Variants in PTPRS observed in about 807,000 individuals in gnomAD.
PTPRS encodes receptor-type tyrosine-protein phosphatase S.
A neutral mutation model predicts 215.3 loss-of-function variants in PTPRS; 63 were observed. The ratio of observed to expected loss-of-function variants is 0.29; its 90% confidence interval spans 0.24 to 0.36. The LOEUF (loss-of-function observed/expected upper bound fraction) is 0.36, where lower values mean the gene tolerates loss of function less well. PTPRS is among the 10% of genes least tolerant of loss of function. The pLI, the probability that PTPRS is intolerant of heterozygous loss-of-function variation, is 1.00. For missense variants in PTPRS, 2,258 were observed against 2,825.8 expected (o/e 0.80, Z 4.56); for synonymous variants, 1,404 against 1,191.4 (o/e 1.18, Z -3.68).
At chr19:5,314,659 G>T (rs1290271650) in intron 1 of PTPRS, among the ~76,000 whole-genome samples, 1 of 151,924 alleles carries the variant, frequency 6.6e-6, no homozygotes, top group African/African-American at 2.4e-5. Context: ...CAAAGTGCCT[G>T]GGATTACAGG....
intron 1 of PTPRS, among the ~76,000 whole-genome samples, chr19:5,321,568 T>C (rs2050024879): frequency 6.6e-6 from 1 of 152,228 alleles, no homozygotes; most frequent in Non-Finnish European, 1.5e-5. Flanking sequence ...GTAAGGAGTT[T>C]GGCTCGTGCC....
rs576261442 is a variant in PTPRS, at chr19:5,257,939, G to A, written c.706+78C>T. 2.0e-4 allele frequency: 254 copies of A among 1,283,386 alleles called. No homozygotes were observed. The highest frequency in any genetic ancestry group is 5.1e-4 in the Middle Eastern group (2 of 3,894). 79.5% of individuals were successfully genotyped at this position (1,283,386 alleles called of 1,614,324 possible). On this transcript the variant is annotated intron_variant, in intron 8 of 37. Coordinates refer to ENST00000262963, the MANE Select transcript of PTPRS (RefSeq NM_002850.4). The surrounding 1 kb of genome is among the most constrained non-coding windows in gnomAD (Gnocchi z 4.4). ...GGGTGTGCAGGGGACGGGGGAGCCC[G>A]GAGGCGGTGAGCCCGAGGAGGGAGG...
chr19:5,228,913 G>A lies in PTPRS; in HGVS notation c.2376+403C>T, dbSNP rs555235784. Among the ~76,000 whole-genome samples the A allele has an allele frequency of 4.6e-5, 7 of 152,324 alleles. No homozygotes were observed. In the South Asian group the frequency reaches 1.5e-3, roughly 32 times the overall value. On this transcript the variant is annotated intron_variant, in intron 16 of 37. Transcript: ENST00000262963. ...GAGAGGCATTTCTAGGCCAGACAGGGCTGAATTGAGTGACAGTAAAGGGTG... is the reference window on the plus strand; with the variant it reads ...GAGAGGCATTTCTAGGCCAGACAGGACTGAATTGAGTGACAGTAAAGGGTG...
chr19:5,219,444 T>C lies in PTPRS; in HGVS notation c.3789A>G (p.Ser1263=). 1 of 1,603,606 alleles carries C rather than the reference T, an allele frequency of 6.2e-7. No homozygotes were observed. The highest frequency in any genetic ancestry group is 2.2e-5 in the East Asian group (1 of 44,758). The change falls in exon 23 of 38, where the codon TCA becomes TCG. Residue 1263 remains serine (S), a synonymous_variant. Transcript: ENST00000262963. The stretch of plus-strand genomic sequence containing the variant: ...CCGGGTTATCCAGCTGGAAGGGGTC[T>C]GAGAAGGGACTGGCTGCAAAGGTCT... ...SEPTFAASPF[S]DPFQLDNPDP...
chr19:5,210,640 T>C lies in PTPRS; in HGVS notation c.5361+39A>G, dbSNP rs1244857250. 6.2e-7 allele frequency: 1 copy of C among 1,613,986 alleles called. No homozygotes were observed. Among genetic ancestry groups the C allele is most frequent in the Non-Finnish European group, 8.5e-7 (1 of 1,180,032 alleles). On this transcript the variant is annotated intron_variant, in intron 34 of 37. Coordinates refer to ENST00000262963, the MANE Select transcript of PTPRS (RefSeq NM_002850.4). The surrounding 1 kb of genome is among the most constrained non-coding windows in gnomAD (Gnocchi z 4.5). Reference sequence around the variant, plus strand: ...GTGGTCAGCGCTGTCTGAGCCACAGTCTGGCCCTCGCCCTTCCCTGCTGTG... The same window carrying C: ...GTGGTCAGCGCTGTCTGAGCCACAGCCTGGCCCTCGCCCTTCCCTGCTGTG...
At chr19:5,335,101 G>A (rs567584538) in intron 1 of PTPRS, among the ~76,000 whole-genome samples, 1 of 152,116 alleles carries the variant, frequency 6.6e-6, no homozygotes, top group Non-Finnish European at 1.5e-5. Context: ...GTGACAGCGC[G>A]ACGATGGGCC....
rs1249799849 is a variant in PTPRS at position 5,264,988 on chromosome 19, T to G, written c.568+20A>C. ...GCTGCCCTCCAAGGCTCCCACGTCC[T>G]GTCAGCCACCCTCACTCACCTGATC... On this transcript the variant is annotated intron_variant, in intron 5 of 37. Transcript: ENST00000262963. 1 of 1,612,792 alleles carries G rather than the reference T, an allele frequency of 6.2e-7. No individual in the cohort carries two copies. Among genetic ancestry groups the G allele is most frequent in the African/African-American group, 1.3e-5 (1 of 75,012 alleles).
chr19:5,224,484 C>T (rs2042299705), intron 17 of PTPRS, among the ~76,000 whole-genome samples: 1 of 152,198 alleles, frequency 6.6e-6, no homozygotes, highest in Non-Finnish European at 1.5e-5. Context: ...TCCGCCCCTG[C>T]TCTTTGTTTC....
intron 9 of PTPRS, among the ~76,000 whole-genome samples, chr19:5,250,605 G>C (rs999202126): frequency 1.1e-5 from 1 of 90,766 alleles, no homozygotes; most frequent in African/African-American, 4.3e-5. Flanking sequence ...CCGAGTAGCC[G>C]GGGGGTCCCA....
chr19:5,259,955 A>T (rs141641236), intron 7 of PTPRS, among the ~76,000 whole-genome samples: 48 of 152,240 alleles, frequency 3.2e-4, no homozygotes, highest in African/African-American at 1.1e-3. Flanking sequence ...AGACTGCTCT[A>T]GGTCACACAG....
chr19:5,225,249 CA>C (rs2042377425), intron 17 of PTPRS, among the ~76,000 whole-genome samples: 1 of 152,038 alleles, frequency 6.6e-6, no homozygotes, highest in Admixed American at 6.5e-5. Flanking sequence ...CCTGAAATAA[CA>C]ACCTAGCCGG....
At chr19:5,306,304 C>T (rs1310258001) in intron 1 of PTPRS, among the ~76,000 whole-genome samples, 2 of 152,030 alleles carry the variant, frequency 1.3e-5, no homozygotes, top group Non-Finnish European at 2.9e-5. Context: ...GCCACCACGC[C>T]TGGCTAATTT....
chr19:5,239,932 GATCA>G (rs2043878752), intron 12 of PTPRS, among the ~76,000 whole-genome samples: 1 of 152,138 alleles, frequency 6.6e-6, no homozygotes, highest in Admixed American at 6.5e-5. Context: ...GAGAAGCACA[GATCA>G]AGAGAGATGG....
At chr19:5,337,883 G>C (rs1967966546) in intron 1 of PTPRS, among the ~76,000 whole-genome samples, 1 of 152,072 alleles carries the variant, frequency 6.6e-6, no homozygotes, top group Non-Finnish European at 1.5e-5. Context: ...CGCACTGAAC[G>C]CTCAACCGGG....
Position 5,295,020 on chromosome 19 carries a change from G to A in PTPRS, c.-94-8786C>T, listed in dbSNP as rs980699093. ...CAATGTAGGCGTAGGAGCAACCAGC[G>A]TGACCTCCCCAACTTGGCTGGGCAC... On this transcript the variant is annotated intron_variant, in intron 1 of 37. Transcript: ENST00000262963. This position sits in a 1 kb window ranked among gnomAD's most constrained non-coding sequence, Gnocchi z 4.6. Among the ~76,000 whole-genome samples, 9 of 152,210 alleles carry A rather than the reference G, an allele frequency of 5.9e-5. No individual in the cohort carries two copies. The highest frequency in any genetic ancestry group is 7.3e-5 in the Non-Finnish European group (5 of 68,034).
At chr19:5,300,767 C>CAAAAAA (rs59799136) in intron 1 of PTPRS, among the ~76,000 whole-genome samples, 62 of 97,416 alleles carry the variant, frequency 6.4e-4, no homozygotes, top group Middle Eastern at 5.7e-3. Context: ...GACTCCGTCT[C>CAAAAAA]AAAAAAAAAA....
intron 1 of PTPRS, among the ~76,000 whole-genome samples, chr19:5,329,950 C>T (rs1215765672): frequency 6.6e-6 from 1 of 151,462 alleles, no homozygotes; most frequent in Non-Finnish European, 1.5e-5. Flanking sequence ...CATGGTGGCA[C>T]ATGCCTATAA....
intron 25 of PTPRS, among the ~76,000 whole-genome samples, chr19:5,217,645 G>A (rs1039785735): frequency 6.6e-6 from 1 of 152,194 alleles, no homozygotes; most frequent in Non-Finnish European, 1.5e-5. Flanking sequence ...ATCTTCATTT[G>A]GTTGGAAAAT....
At chr19:5,277,884 G>C in intron 2 of PTPRS, 2 of 1,092,720 alleles carry the variant, frequency 1.8e-6, no homozygotes, top group South Asian at 2.5e-5. Context: ...GAACGTTCAA[G>C]GGCCAGATCT....
Sources: gnomAD v4.1 joint callset for allele counts (sites outside exome capture counted in the v4.1 genomes callset) on GRCh38, gnomAD v4.1.1 for gene constraint, Gnocchi (gnomAD v3.1) non-coding constraint, MANE v1.5 for transcripts, NCBI Gene and HGNC (gene_info 2026-07-23, HGNC 2026-07-21) for gene names.